SOX5: variants seen among roughly 807,000 people sequenced by gnomAD.
SOX5 encodes transcription factor SOX-5.
SOX5 carries 9 observed loss-of-function variants against 92.0 expected under a neutral mutation model. The observed-to-expected ratio is 0.10, with a 90% CI of 0.06 to 0.17. The LOEUF (loss-of-function observed/expected upper bound fraction) is 0.17. Among genes scored for constraint, SOX5 ranks in the 10% least tolerant of loss-of-function variants. The pLI, the probability that SOX5 is intolerant of heterozygous loss-of-function variation, is 1.00. For missense variants in SOX5, 642 were observed against 944.5 expected (o/e 0.68, Z 4.20); for synonymous variants, 344 against 336.3 (o/e 1.02, Z -0.25).
At chr12:23,682,596 GA>G (rs891513459) in intron 6 of SOX5, among the ~76,000 whole-genome samples, 1 of 151,502 alleles carries the variant, frequency 6.6e-6, no homozygotes, top group African/African-American at 2.4e-5. Flanking sequence ...GCACTATTGG[GA>G]AAAACAATCA....
intron 2 of SOX5, among the ~76,000 whole-genome samples, chr12:24,324,390 G>C (rs192929190): frequency 6.6e-6 from 1 of 151,948 alleles, no homozygotes; most frequent in African/African-American, 2.4e-5. Flanking sequence ...CTGATCAGAC[G>C]TCTGTCAAAC....
intron 3 of SOX5, among the ~76,000 whole-genome samples, chr12:23,823,383 T>G (rs1460751966): frequency 2.0e-5 from 3 of 152,202 alleles, no homozygotes; most frequent in Admixed American, 2.0e-4. Flanking sequence ...AAGCTTAGTT[T>G]GGCTGGATAT....
intron 1 of SOX5, among the ~76,000 whole-genome samples, chr12:24,510,973 G>A (rs1949252968): frequency 6.6e-6 from 1 of 152,178 alleles, no homozygotes; most frequent in Non-Finnish European, 1.5e-5. Flanking sequence ...ACAAATCTCA[G>A]GCAGTTAATA....
At chr12:24,050,607 A>T (rs1410710669) in intron 4 of SOX5, among the ~76,000 whole-genome samples, 2 of 152,180 alleles carry the variant, frequency 1.3e-5, no homozygotes, top group African/African-American at 4.8e-5. Context: ...TTTTGACAGA[A>T]AATAGGTAAC....
At chr12:24,038,038 C>G (rs1336877698) in intron 4 of SOX5, among the ~76,000 whole-genome samples, 1 of 152,040 alleles carries the variant, frequency 6.6e-6, no homozygotes, top group East Asian at 1.9e-4. Flanking sequence ...GAAAGACATA[C>G]AAAAGGGGAA....
At chr12:24,172,038 G>T (rs1214926938) in intron 4 of SOX5, among the ~76,000 whole-genome samples, 1 of 151,980 alleles carries the variant, frequency 6.6e-6, no homozygotes, top group East Asian at 1.9e-4. Flanking sequence ...CCACTTTGAG[G>T]AATGAGGGAT....
At chr12:23,887,356 G>C (rs1429498281) in intron 2 of SOX5, among the ~76,000 whole-genome samples, 1 of 152,128 alleles carries the variant, frequency 6.6e-6, no homozygotes, top group Non-Finnish European at 1.5e-5. Flanking sequence ...AGGAAAAAGA[G>C]AAGCAAAGGA....
At chr12:24,540,026 G>A (rs1026968146) in intron 1 of SOX5, among the ~76,000 whole-genome samples, 21 of 152,046 alleles carry the variant, frequency 1.4e-4, no homozygotes, top group African/African-American at 5.1e-4. Flanking sequence ...CTATGAACTA[G>A]TGCCTTCAAA....
intron 4 of SOX5, among the ~76,000 whole-genome samples, chr12:24,085,888 T>C (rs532382391): frequency 3.0e-4 from 45 of 151,390 alleles, no homozygotes; most frequent in African/African-American, 9.9e-4. Flanking sequence ...CACACATAAA[T>C]TGGTAAAACA....
chr12:23,907,143 G>A (rs945421713), intron 1 of SOX5, among the ~76,000 whole-genome samples: 3 of 152,066 alleles, frequency 2.0e-5, no homozygotes, highest in African/African-American at 7.2e-5. Flanking sequence ...TTTGGGAGGT[G>A]TCTGTGTCTT....
At chr12:23,713,976 C>A (rs1473160999) in intron 6 of SOX5, among the ~76,000 whole-genome samples, 1 of 150,544 alleles carries the variant, frequency 6.6e-6, no homozygotes, top group Non-Finnish European at 1.5e-5. Context: ...CCTGCAATCC[C>A]AGCTACTCGC....
intron 1 of SOX5, among the ~76,000 whole-genome samples, chr12:24,443,456 C>T (rs1290248531): frequency 3.3e-5 from 5 of 152,110 alleles, no homozygotes; most frequent in Non-Finnish European, 7.4e-5. Flanking sequence ...TAAACATAAA[C>T]TGTTCAGCAT....
chr12:24,536,917 A>G (rs1951690660), intron 1 of SOX5, among the ~76,000 whole-genome samples: 1 of 152,200 alleles, frequency 6.6e-6, no homozygotes, highest in African/African-American at 2.4e-5. Flanking sequence ...CATTCAGCAC[A>G]ACTCGGGTTC....
At chr12:24,164,838 AAG>A (rs1953202154) in intron 4 of SOX5, among the ~76,000 whole-genome samples, 2 of 152,120 alleles carry the variant, frequency 1.3e-5, no homozygotes, top group South Asian at 4.1e-4. Flanking sequence ...CTTTCAAAAA[AAG>A]AATTCTTCTT....
At chr12:23,867,467 A>G (rs1224684059) in intron 2 of SOX5, among the ~76,000 whole-genome samples, 1 of 152,170 alleles carries the variant, frequency 6.6e-6, no homozygotes, top group Non-Finnish European at 1.5e-5. Context: ...ATACGGACTA[A>G]CAGACCTCTA....
chr12:24,009,012 C>A (rs1952623698), intron 4 of SOX5, among the ~76,000 whole-genome samples: 1 of 152,174 alleles, frequency 6.6e-6, no homozygotes, highest in African/African-American at 2.4e-5. Context: ...GACTGCCATG[C>A]TTTGTAAGAG....
At chr12:24,297,483 A>G (rs1432603740) in intron 2 of SOX5, among the ~76,000 whole-genome samples, 1 of 152,252 alleles carries the variant, frequency 6.6e-6, no homozygotes. Flanking sequence ...GTGGTCCACG[A>G]GCTAAATTAA....
intron 4 of SOX5, among the ~76,000 whole-genome samples, chr12:24,179,041 G>A (rs1009895913): frequency 6.6e-6 from 1 of 152,162 alleles, no homozygotes; most frequent in Non-Finnish European, 1.5e-5. Flanking sequence ...CAGAGAAATG[G>A]TTGGTCACAT....
At position 24,403,831 on chromosome 12, in the gene SOX5, G is replaced by C. The variant is rs1962307881; in HGVS notation, c.-250-35192C>G. 2.0e-5 allele frequency among the ~76,000 whole-genome samples: 3 copies of C among 152,154 alleles called. No individual in the cohort carries two copies. The South Asian group carries it at 6.2e-4, about 32-fold the overall frequency. On this transcript the variant is annotated intron_variant, in intron 1 of 4. Coordinates refer to the SOX5 transcript ENST00000446891. ...TAAGCACCTATTAGAATTTTGGCAA[G>C]AAAAATCTTATCATGGACTTGTTTC...
Sources: gnomAD v4.1 joint callset for allele counts (sites outside exome capture counted in the v4.1 genomes callset) on GRCh38, gnomAD v4.1.1 for gene constraint, MANE v1.5 for transcripts, NCBI Gene and HGNC (gene_info 2026-07-23, HGNC 2026-07-21) for gene names.